The following PAK5 variants were observed in gnomAD, a reference collection of about 807,000 sequenced individuals.
The protein encoded by PAK5 is serine/threonine-protein kinase PAK 5.
PAK5 carries 16 observed loss-of-function variants against 65.9 expected under a neutral mutation model. The observed-to-expected ratio is 0.24, with a 90% confidence interval of 0.16 to 0.37. The LOEUF is 0.37. Among genes scored for constraint, PAK5 ranks in the 10% least tolerant of loss-of-function variants. The probability of loss-of-function intolerance (pLI) is 1.00; values close to 1 mark genes in which losing one functional copy is unlikely to be tolerated. For synonymous variants in PAK5, 371 were observed against 354.9 expected (o/e 1.05, Z -0.51); for missense variants, 785 against 903.9 (o/e 0.87, Z 1.69).
chr20:9,607,098 G>C (rs2046468748), intron 3 of PAK5, among the ~76,000 whole-genome samples: 1 of 152,196 alleles, frequency 6.6e-6, no homozygotes, highest in Non-Finnish European at 1.5e-5. Context: ...TAATTACAGA[G>C]GGGAAAAGAG....
At chr20:9,729,695 T>C (rs892730406) in intron 1 of PAK5, among the ~76,000 whole-genome samples, 4 of 152,160 alleles carry the variant, frequency 2.6e-5, no homozygotes, top group African/African-American at 9.7e-5. Context: ...TCTTGGACCA[T>C]GAAGTGAGAA....
chr20:9,720,157 C>T (rs1324818096), intron 1 of PAK5, among the ~76,000 whole-genome samples: 2 of 152,108 alleles, frequency 1.3e-5, no homozygotes, highest in Admixed American at 6.5e-5. Flanking sequence ...GAGTTTTTCA[C>T]CATCACTCTC....
At chr20:9,589,763 C>T (rs900364163) in intron 3 of PAK5, among the ~76,000 whole-genome samples, 80 of 151,978 alleles carry the variant, frequency 5.3e-4, no homozygotes, top group Non-Finnish European at 2.5e-4. Flanking sequence ...CTCTGCCTCC[C>T]GGGTTCAAGC....
At chr20:9,835,365 A>G (rs1049156036) in intron 1 of PAK5, among the ~76,000 whole-genome samples, 14 of 152,218 alleles carry the variant, frequency 9.2e-5, no homozygotes, top group Non-Finnish European at 2.1e-4. Context: ...AGGGATGAGT[A>G]TGACCCAGAC....
intron 1 of PAK5, among the ~76,000 whole-genome samples, chr20:9,728,678 C>T (rs1467019557): frequency 6.6e-6 from 1 of 151,966 alleles, no homozygotes; most frequent in African/African-American, 2.4e-5. Context: ...AATGAGAAAA[C>T]TGATGAAATC....
chr20:9,828,859 C>A (rs1332487507), intron 1 of PAK5, among the ~76,000 whole-genome samples: 1 of 152,154 alleles, frequency 6.6e-6, no homozygotes, highest in African/African-American at 2.4e-5. Flanking sequence ...CTTTCCCCTT[C>A]TCTCCCTTCT....
intron 1 of PAK5, among the ~76,000 whole-genome samples, chr20:9,758,159 G>A (rs2048657302): frequency 6.6e-6 from 1 of 152,170 alleles, no homozygotes; most frequent in African/African-American, 2.4e-5. Flanking sequence ...TTGTGTGCAT[G>A]CCTGCTTTTG....
intron 1 of PAK5, among the ~76,000 whole-genome samples, chr20:9,722,484 C>T (rs2048227530): frequency 6.6e-6 from 1 of 151,642 alleles, no homozygotes; most frequent in Non-Finnish European, 1.5e-5. Flanking sequence ...TGGTGGCGGG[C>T]GCCTGTAGTC....
At chr20:9,554,426 GCTA>G (rs1204111145) in intron 7 of PAK5, among the ~76,000 whole-genome samples, 1 of 152,214 alleles carries the variant, frequency 6.6e-6, no homozygotes, top group Non-Finnish European at 1.5e-5. Context: ...GGCAGCTCCA[GCTA>G]GCCTGCCTGG....
intron 1 of PAK5, among the ~76,000 whole-genome samples, chr20:9,793,481 C>T (rs962486605): frequency 2.6e-5 from 4 of 151,932 alleles, no homozygotes; most frequent in Non-Finnish European, 5.9e-5. Context: ...GAGAAAAAGA[C>T]AAGAATTCAT....
chr20:9,807,087 G>A (rs928630388), intron 1 of PAK5, among the ~76,000 whole-genome samples: 2 of 152,020 alleles, frequency 1.3e-5, no homozygotes, highest in Non-Finnish European at 2.9e-5. Flanking sequence ...TTCTCATATG[G>A]ACTCCCGTGT....
chr20:9,691,634 C>T (rs1489912889), intron 2 of PAK5, among the ~76,000 whole-genome samples: 1 of 152,034 alleles, frequency 6.6e-6, no homozygotes, highest in African/African-American at 2.4e-5. Flanking sequence ...TTATAATAAT[C>T]ACCTAATTTT....
At chr20:9,660,084 C>T (rs754089121) in intron 2 of PAK5, among the ~76,000 whole-genome samples, 1 of 152,040 alleles carries the variant, frequency 6.6e-6, no homozygotes, top group Non-Finnish European at 1.5e-5. Context: ...TCTGAAGATG[C>T]CCACTTCTAT....
intron 1 of PAK5, among the ~76,000 whole-genome samples, chr20:9,785,644 C>A (rs1034733897): frequency 6.6e-6 from 1 of 152,004 alleles, no homozygotes; most frequent in Non-Finnish European, 1.5e-5. Context: ...CATAAGATTA[C>A]CATCTTAGAG....
chr20:9,799,195 A>C (rs1446538907), intron 1 of PAK5, among the ~76,000 whole-genome samples: 1 of 152,200 alleles, frequency 6.6e-6, no homozygotes, highest in Non-Finnish European at 1.5e-5. Context: ...ACTGTAATAC[A>C]TATTGCACAA....
chr20:9,640,806 C>G (rs2047047390), intron 3 of PAK5, among the ~76,000 whole-genome samples: 1 of 151,934 alleles, frequency 6.6e-6, no homozygotes, highest in East Asian at 1.9e-4. Context: ...TTGTTCGTTC[C>G]TCCTGGTGGG....
chr20:9,554,216 G>A lies in PAK5; in HGVS notation c.1743+3392C>T, dbSNP rs2122939240. On this transcript the variant is annotated intron_variant, in intron 7 of 9. Coordinates refer to ENST00000353224, the MANE Select transcript of PAK5 (RefSeq NM_177990.4). ...ACTTAATTTTTCTCACACTGAGGAG[G>A]ACTCTAAACCCCTGCCCCCTGAATC... Among the ~76,000 whole-genome samples, 4 of 152,328 alleles carry A rather than the reference G, an allele frequency of 2.6e-5. No individual in the cohort carries two copies. In the East Asian group the frequency reaches 7.7e-4, roughly 29 times the overall value.
chr20:9,592,149 T>TA, intron 3 of PAK5, among the ~76,000 whole-genome samples: 1 of 152,088 alleles, frequency 6.6e-6, no homozygotes, highest in East Asian at 1.9e-4. Context: ...ATCACGGACA[T>TA]AAAGATGGAG....
intron 3 of PAK5, among the ~76,000 whole-genome samples, chr20:9,592,425 C>T (rs1474264665): frequency 1.3e-5 from 2 of 152,188 alleles, no homozygotes; most frequent in Non-Finnish European, 1.5e-5. Context: ...GGGAAAGGTG[C>T]TCACTGGGAT....
Sources: gnomAD v4.1 joint callset for allele counts (sites outside exome capture counted in the v4.1 genomes callset) on GRCh38, gnomAD v4.1.1 for gene constraint, MANE v1.5 for transcripts, NCBI Gene and HGNC (gene_info 2026-07-23, HGNC 2026-07-21) for gene names.